Variants in SH3RF1 observed in about 807,000 individuals in gnomAD.
The protein encoded by SH3RF1 is SH3 domain containing ring finger 1.
A neutral mutation model predicts 74.0 loss-of-function variants in SH3RF1; 32 were observed. The ratio of observed to expected loss-of-function variants is 0.43; its 90% confidence interval spans 0.33 to 0.58. The LOEUF (loss-of-function observed/expected upper bound fraction) is 0.58, where lower values mean the gene tolerates loss of function less well. Among genes scored for constraint, SH3RF1 ranks in the 20% least tolerant of loss-of-function variants. The probability of loss-of-function intolerance (pLI) is 0.05; values close to 1 mark genes in which losing one functional copy is unlikely to be tolerated. For missense variants in SH3RF1, 954 were observed against 1,130.9 expected (o/e 0.84, Z 2.24); for synonymous variants, 396 against 439.6 (o/e 0.90, Z 1.24).
chr4:169,162,868 C>A (rs1378191838), intron 2 of SH3RF1, among the ~76,000 whole-genome samples: 1 of 152,082 alleles, frequency 6.6e-6, no homozygotes, highest in South Asian at 2.1e-4. Flanking sequence ...GCTTTTTTAG[C>A]GCTTGGTGGC....
At chr4:169,140,551 ATG>A (rs1236451681) in intron 4 of SH3RF1, among the ~76,000 whole-genome samples, 1 of 152,204 alleles carries the variant, frequency 6.6e-6, no homozygotes, top group Non-Finnish European at 1.5e-5. Context: ...TGTAGAAAGA[ATG>A]TGTTTTTGAG....
intron 2 of SH3RF1, among the ~76,000 whole-genome samples, chr4:169,165,642 G>T (rs541549557): frequency 2.0e-5 from 3 of 152,048 alleles, no homozygotes; most frequent in South Asian, 2.1e-4. Flanking sequence ...AAAGGCGGGG[G>T]GGGGAGTCAG....
intron 2 of SH3RF1, among the ~76,000 whole-genome samples, chr4:169,176,282 C>T (rs1245433367): frequency 6.6e-6 from 1 of 152,136 alleles, no homozygotes; most frequent in Admixed American, 6.5e-5. Flanking sequence ...TCATGTGCCC[C>T]CCAAGCTCTG....
intron 2 of SH3RF1, among the ~76,000 whole-genome samples, chr4:169,241,214 AG>A (rs1461049731): frequency 6.6e-6 from 1 of 152,238 alleles, no homozygotes; most frequent in Non-Finnish European, 1.5e-5. Context: ...TGGGCGACAG[AG>A]CGAGACTCCG....
chr4:169,204,591 G>T (rs982289095), intron 2 of SH3RF1, among the ~76,000 whole-genome samples: 1 of 130,976 alleles, frequency 7.6e-6, no homozygotes, highest in Non-Finnish European at 1.6e-5. Context: ...TCATTTTGTC[G>T]CCAGGCTGGA....
intron 7 of SH3RF1, among the ~76,000 whole-genome samples, chr4:169,121,706 A>G (rs1335944865): frequency 1.3e-5 from 2 of 152,224 alleles, no homozygotes; most frequent in Non-Finnish European, 1.5e-5. Context: ...AACTCTCAAC[A>G]GGATAAACTT....
chr4:169,257,502 C>G (rs1731210115), intron 2 of SH3RF1, among the ~76,000 whole-genome samples: 3 of 152,208 alleles, frequency 2.0e-5, no homozygotes, highest in Admixed American at 2.0e-4. Flanking sequence ...GTCTAAACCC[C>G]TCACTACAGC....
At chr4:169,208,244 G>A (rs183417178) in intron 2 of SH3RF1, among the ~76,000 whole-genome samples, 3 of 148,710 alleles carry the variant, frequency 2.0e-5, no homozygotes, top group African/African-American at 7.4e-5. Flanking sequence ...AGCCGTTTCT[G>A]TCCAGAGTTT....
At chr4:169,098,346 T>C (rs1732963895) in intron 11 of SH3RF1, among the ~76,000 whole-genome samples, 1 of 152,050 alleles carries the variant, frequency 6.6e-6, no homozygotes. Context: ...AAGTGAAAAA[T>C]ATTATGGCTT....
chr4:169,163,403 G>A (rs1230894246), intron 2 of SH3RF1, among the ~76,000 whole-genome samples: 3 of 152,086 alleles, frequency 2.0e-5, no homozygotes, highest in African/African-American at 7.2e-5. Context: ...GAGAACCTGA[G>A]GCAGCACTCA....
chr4:169,225,923 C>T (rs923648946), intron 2 of SH3RF1, among the ~76,000 whole-genome samples: 1 of 152,246 alleles, frequency 6.6e-6, no homozygotes, highest in African/African-American at 2.4e-5. Flanking sequence ...GGAAGAGACA[C>T]CTGTTCCTCT....
intron 2 of SH3RF1, among the ~76,000 whole-genome samples, chr4:169,258,092 T>C (rs1008796064): frequency 6.6e-6 from 1 of 152,188 alleles, no homozygotes; most frequent in Non-Finnish European, 1.5e-5. Flanking sequence ...ATTTCAGGGC[T>C]ACAAAAGAAC....
intron 10 of SH3RF1, among the ~76,000 whole-genome samples, chr4:169,112,182 A>G (rs1364989452): frequency 2.0e-5 from 3 of 152,228 alleles, no homozygotes; most frequent in Non-Finnish European, 4.4e-5. Context: ...GAGGAAAGAT[A>G]GAAATAATGA....
intron 8 of SH3RF1, among the ~76,000 whole-genome samples, chr4:169,119,405 G>A (rs1342698032): frequency 6.6e-6 from 1 of 150,494 alleles, no homozygotes; most frequent in African/African-American, 2.5e-5. Flanking sequence ...TGGGATTACA[G>A]GCGTGAGCCA....
At chr4:169,181,498 T>C (rs919796407) in intron 2 of SH3RF1, among the ~76,000 whole-genome samples, 2 of 151,996 alleles carry the variant, frequency 1.3e-5, no homozygotes, top group East Asian at 1.9e-4. Flanking sequence ...CCTGACCTCA[T>C]GATCCACCCG....
intron 2 of SH3RF1, among the ~76,000 whole-genome samples, chr4:169,243,915 G>A (rs894633965): frequency 6.6e-6 from 1 of 152,182 alleles, no homozygotes; most frequent in Non-Finnish European, 1.5e-5. Flanking sequence ...TACAAATTCA[G>A]ATACTTTTAC....
chr4:169,174,923 C>A (rs1734392843), intron 2 of SH3RF1, among the ~76,000 whole-genome samples: 1 of 152,162 alleles, frequency 6.6e-6, no homozygotes, highest in South Asian at 2.1e-4. Context: ...CAAGGGCCTA[C>A]TTCACATCTC....
intron 2 of SH3RF1, among the ~76,000 whole-genome samples, chr4:169,175,062 C>T (rs1232865446): frequency 6.6e-6 from 1 of 152,192 alleles, no homozygotes; most frequent in African/African-American, 2.4e-5. Flanking sequence ...CCACTGTTCA[C>T]CTCGTTGCTT....
In SH3RF1 at chr4:169,095,510, A is replaced by G. The variant is rs1158386434; in HGVS notation, c.*1009T>C. On this transcript the variant is annotated 3_prime_UTR_variant, in exon 12 of 12. Transcript: ENST00000284637. ...AAAGAATCACAATGGATGAATATGA[A>G]CTTTTCACAGTGTTTCTTATAGCCT... 1 of 152,606 alleles carries G rather than the reference A, an allele frequency of 6.6e-6. No individual in the cohort carries two copies. Among genetic ancestry groups the G allele is most frequent in the Non-Finnish European group, 1.5e-5 (1 of 68,032 alleles). 9.5% of individuals were successfully genotyped at this position (152,606 alleles called of 1,614,324 possible).
Sources: allele counts gnomAD v4.1 joint callset (sites outside exome capture counted in the v4.1 genomes callset), GRCh38; gene constraint gnomAD v4.1.1; transcripts MANE v1.5; gene names NCBI Gene and HGNC (gene_info 2026-07-23, HGNC 2026-07-21).